ANO2: variants seen among roughly 807,000 people sequenced by gnomAD.
ANO2 encodes anoctamin 2.
In ANO2, 101 loss-of-function variants were observed where a neutral mutation model predicts 124.2. That is an observed-to-expected ratio of 0.81 (90% confidence interval 0.69 to 0.96). The LOEUF (loss-of-function observed/expected upper bound fraction) is 0.96, where lower values mean the gene tolerates loss of function less well. Ranked by LOEUF, ANO2 falls within the 40% of genes least tolerant of loss-of-function variation. The pLI, the probability that ANO2 is intolerant of heterozygous loss-of-function variation, is 0.00. For synonymous variants in ANO2, 486 were observed against 482.5 expected (o/e 1.01, Z -0.09); for missense variants, 1,293 against 1,274.5 (o/e 1.01, Z -0.22).
At chr12:5,771,339 T>G (rs1481982278) in intron 10 of ANO2, among the ~76,000 whole-genome samples, 3 of 152,238 alleles carry the variant, frequency 2.0e-5, no homozygotes, top group African/African-American at 7.2e-5. Flanking sequence ...CAAAGCTACC[T>G]AATTTCAACC....
intron 14 of ANO2, among the ~76,000 whole-genome samples, chr12:5,688,493 G>A (rs1948795125): frequency 6.6e-6 from 1 of 152,110 alleles, no homozygotes; most frequent in African/African-American, 2.4e-5. Flanking sequence ...CCAAACAAAG[G>A]TTTGACTCTT....
intron 4 of ANO2, among the ~76,000 whole-genome samples, chr12:5,850,139 G>A (rs578227346): frequency 6.6e-6 from 1 of 151,564 alleles, no homozygotes; most frequent in African/African-American, 2.4e-5. Flanking sequence ...TCTGGGGCCG[G>A]GTGCAGTGGC....
Position 5,617,121 on chromosome 12 carries a change from C to T in ANO2, c.1817-1824G>A, listed in dbSNP as rs979843520. On this transcript the variant is annotated intron_variant, in intron 16 of 24. Coordinates refer to ENST00000682330, the MANE Select transcript of ANO2 (RefSeq NM_001364791.2). ...ACTGTACCACACCCTCAAGATCACA[C>T]TGTACCACACTCTCCAGACCACAGT... is the stretch of plus-strand genomic sequence containing the variant. Among the ~76,000 whole-genome samples, 3 of 150,660 alleles carry T rather than the reference C, an allele frequency of 2.0e-5. No individual in the cohort carries two copies. In the East Asian group the frequency reaches 5.9e-4, roughly 30 times the overall value.
At chr12:5,719,632 T>C (rs1950148526) in intron 14 of ANO2, among the ~76,000 whole-genome samples, 2 of 152,180 alleles carry the variant, frequency 1.3e-5, no homozygotes, top group Non-Finnish European at 2.9e-5. Context: ...TTATCAAATA[T>C]TGAATCTGCC....
intron 19 of ANO2, among the ~76,000 whole-genome samples, chr12:5,602,256 CTT>C (rs56321415): frequency 3.4e-5 from 5 of 148,366 alleles, no homozygotes; most frequent in Middle Eastern, 3.4e-3. Flanking sequence ...TCTAGGAACT[CTT>C]TTTTTTTTTG....
intron 10 of ANO2, among the ~76,000 whole-genome samples, chr12:5,782,680 G>A (rs936672646): frequency 1.3e-5 from 2 of 152,004 alleles, no homozygotes; most frequent in South Asian, 2.1e-4. Context: ...TAGGTTTTTC[G>A]GGTGATTCTG....
intron 14 of ANO2, among the ~76,000 whole-genome samples, chr12:5,711,288 T>C (rs1175844563): frequency 6.6e-6 from 1 of 152,150 alleles, no homozygotes; most frequent in Non-Finnish European, 1.5e-5. Context: ...TCTCACTCTA[T>C]TAGTTCATGT....
At chr12:5,694,958 A>G (rs1949108222) in intron 14 of ANO2, among the ~76,000 whole-genome samples, 1 of 152,130 alleles carries the variant, frequency 6.6e-6, no homozygotes, top group Non-Finnish European at 1.5e-5. Context: ...AAGACCTGGT[A>G]TGAAGATGAA....
chr12:5,649,126 G>T (rs1297326457), intron 14 of ANO2, among the ~76,000 whole-genome samples: 3 of 152,274 alleles, frequency 2.0e-5, no homozygotes, highest in Non-Finnish European at 4.4e-5. Context: ...CCCACACACC[G>T]AAAGGTTTAA....
At chr12:5,678,284 C>T (rs1017680475) in intron 14 of ANO2, among the ~76,000 whole-genome samples, 15 of 152,172 alleles carry the variant, frequency 9.9e-5, no homozygotes, top group African/African-American at 3.4e-4. Flanking sequence ...CTCTACCCTC[C>T]ACCAGATGTG....
intron 3 of ANO2, among the ~76,000 whole-genome samples, chr12:5,893,917 C>A (rs762920368): frequency 6.6e-6 from 1 of 152,060 alleles, no homozygotes; most frequent in Non-Finnish European, 1.5e-5. Flanking sequence ...GGTTCCAAGT[C>A]TTTGCTATTG....
At chr12:5,649,541 C>T (rs1211114578) in intron 14 of ANO2, among the ~76,000 whole-genome samples, 3 of 151,848 alleles carry the variant, frequency 2.0e-5, no homozygotes, top group African/African-American at 4.8e-5. Flanking sequence ...GGGAGTAGAG[C>T]TTCTTTCATT....
At chr12:5,677,880 T>C (rs1274244359) in intron 14 of ANO2, among the ~76,000 whole-genome samples, 5 of 152,184 alleles carry the variant, frequency 3.3e-5, no homozygotes, top group Non-Finnish European at 1.5e-5. Flanking sequence ...CCTTCTCCCA[T>C]AGGCCACATC....
At chr12:5,672,076 C>A (rs1274650844) in intron 14 of ANO2, among the ~76,000 whole-genome samples, 2 of 152,166 alleles carry the variant, frequency 1.3e-5, no homozygotes, top group Non-Finnish European at 2.9e-5. Context: ...AGGTTTCATC[C>A]AAGTTTCCAC....
rs369585037 is a variant in ANO2 at position 5,575,977 on chromosome 12, G to C, written c.2478C>G (p.Arg826=). 2.5e-6 allele frequency: 4 copies of C among 1,612,056 alleles called. No homozygotes were observed. The African/African-American group carries it at 5.3e-5, about 22-fold the overall frequency. Residue 826 remains arginine (R), a synonymous_variant, in exon 23 of 25, where the codon CGC becomes CGG. Transcript: ENST00000682330. ...VIAITSDFIP[R]LVYQYSYSHN... ...GACTGTAGGAGTACTGGTACACCAGGCGGGGGATAAAGTCGGAGGTGATCG... is the reference window on the plus strand; with the variant it reads ...GACTGTAGGAGTACTGGTACACCAGCCGGGGGATAAAGTCGGAGGTGATCG...
intron 1 of ANO2, among the ~76,000 whole-genome samples, chr12:5,924,937 C>G (rs1290555580): frequency 6.6e-6 from 1 of 152,148 alleles, no homozygotes; most frequent in Non-Finnish European, 1.5e-5. Context: ...TTTTGGTTTA[C>G]ATGTGATGGG....
chr12:5,707,367 G>C (rs1012264200), intron 14 of ANO2, among the ~76,000 whole-genome samples: 1 of 152,148 alleles, frequency 6.6e-6, no homozygotes, highest in African/African-American at 2.4e-5. Flanking sequence ...ATAGTAGTGT[G>C]AAAACAAACT....
At chr12:5,633,490 C>A (rs1945837981) in intron 16 of ANO2, among the ~76,000 whole-genome samples, 2 of 152,138 alleles carry the variant, frequency 1.3e-5, no homozygotes, top group South Asian at 2.1e-4. Flanking sequence ...TGGCTGAATG[C>A]CCCTGGGAAC....
intron 14 of ANO2, among the ~76,000 whole-genome samples, chr12:5,682,469 G>A (rs186066253): frequency 6.6e-6 from 1 of 152,230 alleles, no homozygotes; most frequent in African/African-American, 2.4e-5. Flanking sequence ...GGAGGCCTGG[G>A]TAGTAATGGG....
Sources: gnomAD v4.1 joint callset for allele counts (sites outside exome capture counted in the v4.1 genomes callset) on GRCh38, gnomAD v4.1.1 for gene constraint, MANE v1.5 for transcripts, NCBI Gene and HGNC (gene_info 2026-07-23, HGNC 2026-07-21) for gene names.